CHN2: variants seen among roughly 807,000 people sequenced by gnomAD.
CHN2 encodes the protein chimerin 2.
In CHN2, 35 loss-of-function variants were observed where a neutral mutation model predicts 56.3. The observed-to-expected ratio is 0.62, with a 90% CI of 0.47 to 0.82. The LOEUF is 0.82. CHN2 is among the 40% of genes least tolerant of loss of function. The probability of loss-of-function intolerance (pLI) is 0.00; values close to 1 mark genes in which losing one functional copy is unlikely to be tolerated. For synonymous variants in CHN2, 210 were observed against 212.8 expected, an observed-to-expected ratio of 0.99 and a Z score of 0.12; for missense variants, 491 against 580.5, an observed-to-expected ratio of 0.85 and a Z score of 1.58.
chr7:29,225,027 G>A (rs981351633), intron 1 of CHN2, among the ~76,000 whole-genome samples: 4 of 152,092 alleles, frequency 2.6e-5, no homozygotes, highest in African/African-American at 9.7e-5. Context: ...TCCCTGTGTT[G>A]GCAATTTGTA....
chr7:29,178,390 G>A lies in CHN2; in HGVS notation c.274+31430G>A, dbSNP rs368919962. Reference sequence around the variant, plus strand: ...TCTGACCTGGTCTTCCTCTGCGTGCGGTTTCATTCCTTTGACGCCAGCTCC... The same window carrying A: ...TCTGACCTGGTCTTCCTCTGCGTGCAGTTTCATTCCTTTGACGCCAGCTCC... On this transcript the variant is annotated intron_variant, in intron 2 of 6. Transcript: ENST00000439384. 8.5e-5 allele frequency among the ~76,000 whole-genome samples: 13 copies of A among 152,162 alleles called. No homozygotes were observed. In the East Asian group the frequency reaches 2.1e-3, roughly 25 times the overall value.
intron 6 of CHN2, among the ~76,000 whole-genome samples, chr7:29,418,136 G>A (rs764792772): frequency 2.6e-5 from 4 of 152,228 alleles, no homozygotes; most frequent in South Asian, 2.1e-4. Flanking sequence ...CCTCCACGTC[G>A]GACAGACTTC....
intron 6 of CHN2, among the ~76,000 whole-genome samples, chr7:29,465,173 G>A (rs1162823656): frequency 2.0e-5 from 3 of 152,142 alleles, no homozygotes; most frequent in African/African-American, 7.2e-5. Context: ...TGCCATTTGT[G>A]ATTAAAATCC....
chr7:29,251,835 A>G (rs1428240640), intron 1 of CHN2, among the ~76,000 whole-genome samples: 1 of 152,236 alleles, frequency 6.6e-6, no homozygotes, highest in South Asian at 2.1e-4. Context: ...GAACCTAATT[A>G]TATGTAATTG....
intron 2 of CHN2, among the ~76,000 whole-genome samples, chr7:29,357,689 A>G (rs1798412627): frequency 1.3e-5 from 2 of 152,184 alleles, no homozygotes; most frequent in African/African-American, 4.8e-5. Flanking sequence ...AAGACTATAG[A>G]AGAGGTCAAA....
intron 1 of CHN2, among the ~76,000 whole-genome samples, chr7:29,238,650 G>A (rs1401459947): frequency 6.6e-6 from 1 of 152,106 alleles, no homozygotes; most frequent in Non-Finnish European, 1.5e-5. Context: ...AGAAAAAATG[G>A]GGCAAATATG....
At chr7:29,380,286 C>A (rs201320314) in intron 3 of CHN2, among the ~76,000 whole-genome samples, 29 of 147,784 alleles carry the variant, frequency 2.0e-4, no homozygotes, top group South Asian at 2.2e-4. Flanking sequence ...TGGTTCTTAC[C>A]AAAAAAAAAA....
At chr7:29,396,888 C>G (rs974754422) in intron 4 of CHN2, 4 of 152,956 alleles carry the variant, frequency 2.6e-5, no homozygotes, top group African/African-American at 9.6e-5. Flanking sequence ...TCCAACACCT[C>G]TGCTCCAGGC....
intron 6 of CHN2, among the ~76,000 whole-genome samples, chr7:29,455,051 A>G (rs190545997): frequency 6.6e-6 from 1 of 152,270 alleles, no homozygotes; most frequent in East Asian, 1.9e-4. Context: ...ACAGCCAGGA[A>G]TGTCTTCCCT....
intron 7 of CHN2, among the ~76,000 whole-genome samples, chr7:29,491,136 A>G (rs1055358114): frequency 6.6e-6 from 1 of 151,930 alleles, no homozygotes; most frequent in Non-Finnish European, 1.5e-5. Context: ...AAATATATAT[A>G]TTTGCTCTAT....
chr7:29,365,155 T>C (rs1799050404), intron 2 of CHN2, among the ~76,000 whole-genome samples: 1 of 152,206 alleles, frequency 6.6e-6, no homozygotes, highest in Non-Finnish European at 1.5e-5. Flanking sequence ...CTAACAGAGA[T>C]TGGTAAACCA....
Position 29,174,636 on chromosome 7 carries a change from G to A in CHN2, c.274+27676G>A, listed in dbSNP as rs559821742. 2.2e-4 allele frequency among the ~76,000 whole-genome samples: 34 copies of A among 152,232 alleles called. No homozygotes were observed. In the East Asian group the frequency reaches 5.0e-3, roughly 23 times the overall value. On this transcript the variant is annotated intron_variant, in intron 2 of 6. Coordinates refer to the CHN2 transcript ENST00000439384. ...AGCACTTTGGGAGGCCGACTTGGGC[G>A]GATCACCTGAGGTCAGGAGTTCGAG...
intron 7 of CHN2, chr7:29,483,754 T>G: frequency 4.7e-6 from 5 of 1,055,240 alleles, no homozygotes; most frequent in Non-Finnish European, 4.7e-6. Flanking sequence ...CTGAAAATCT[T>G]CAGGCCAGCC....
At chr7:29,470,408 A>T (rs542505423) in intron 6 of CHN2, among the ~76,000 whole-genome samples, 2 of 152,308 alleles carry the variant, frequency 1.3e-5, no homozygotes, top group South Asian at 2.1e-4. Context: ...GGCGCCAAGG[A>T]CTATTTTGTT....
chr7:29,506,387 G>A (rs540497909), intron 10 of CHN2, among the ~76,000 whole-genome samples: 5 of 152,068 alleles, frequency 3.3e-5, no homozygotes, highest in East Asian at 1.9e-4. Flanking sequence ...CCTGTAATCC[G>A]AGCATTTTGG....
intron 1 of CHN2, among the ~76,000 whole-genome samples, chr7:29,248,562 AAC>A (rs1788249174): frequency 6.6e-6 from 1 of 152,122 alleles, no homozygotes; most frequent in African/African-American, 2.4e-5. Flanking sequence ...CATTCCCCAA[AAC>A]ACAGTTCTGA....
intron 1 of CHN2, among the ~76,000 whole-genome samples, chr7:29,305,415 C>T (rs1300291657): frequency 6.6e-6 from 1 of 151,910 alleles, no homozygotes; most frequent in Non-Finnish European, 1.5e-5. Context: ...TATTCAGCAC[C>T]CAACATTCTA....
chr7:29,378,887 C>A (rs549197505), intron 3 of CHN2, among the ~76,000 whole-genome samples: 1 of 152,320 alleles, frequency 6.6e-6, no homozygotes, highest in African/African-American at 2.4e-5. Flanking sequence ...ATCGCTTGAA[C>A]CCAGGAGGCG....
At chr7:29,277,113 C>T (rs987884202) in intron 1 of CHN2, among the ~76,000 whole-genome samples, 9 of 152,166 alleles carry the variant, frequency 5.9e-5, no homozygotes, top group African/African-American at 1.4e-4. Flanking sequence ...GGAGAGAGGT[C>T]ACTCACTTTG....
Sources: gnomAD v4.1 joint callset for allele counts (sites outside exome capture counted in the v4.1 genomes callset) on GRCh38, gnomAD v4.1.1 for gene constraint, MANE v1.5 for transcripts, NCBI Gene and HGNC (gene_info 2026-07-23, HGNC 2026-07-21) for gene names.